EIF2S2: variants seen among roughly 807,000 people sequenced by gnomAD.
EIF2S2 encodes eukaryotic translation initiation factor 2 subunit 2.
In EIF2S2, 4 loss-of-function variants were observed where a neutral mutation model predicts 44.0. The observed-to-expected ratio is 0.09, with a 90% CI of 0.04 to 0.21. The LOEUF (loss-of-function observed/expected upper bound fraction) is 0.21, where lower values mean the gene tolerates loss of function less well. EIF2S2 is among the 10% of genes least tolerant of loss of function. The pLI is 1.00. For missense variants in EIF2S2, 154 were observed against 392.0 expected (o/e 0.39, Z 5.13); for synonymous variants, 108 against 128.3 (o/e 0.84, Z 1.07).
rs1185258309 is a variant in EIF2S2 at position 34,098,541 on chromosome 20, ATTC to A, written c.387_389del (p.Lys129del). The A allele has an allele frequency of 1.2e-6, 2 of 1,613,930 alleles. No individual in the cohort carries two copies. Among genetic ancestry groups the A allele is most frequent in the East Asian group, 2.2e-5 (1 of 44,880 alleles). ...TTTCATCCTCATCTGGGAACTTAAC[ATTC>A]TTCTTTTTCTTCTTTTTATTGCCAA... On this transcript the variant is annotated inframe_deletion, in exon 4 of 9. Coordinates refer to ENST00000374980, the MANE Select transcript of EIF2S2 (RefSeq NM_003908.5).
intron 3 of EIF2S2, among the ~76,000 whole-genome samples, chr20:34,100,388 A>C (rs889007364): frequency 6.6e-6 from 1 of 152,094 alleles, no homozygotes; most frequent in African/African-American, 2.4e-5. Context: ...TGGCAGGGGG[A>C]CCACTGAAAG....
intron 4 of EIF2S2, among the ~76,000 whole-genome samples, chr20:34,098,271 T>C (rs1354293551): frequency 1.3e-5 from 2 of 151,578 alleles, no homozygotes; most frequent in Non-Finnish European, 2.9e-5. Flanking sequence ...AATCCGGTTA[T>C]AGTAATTTTC....
At chr20:34,101,353 T>C (rs374222930) in intron 3 of EIF2S2, among the ~76,000 whole-genome samples, 4 of 152,112 alleles carry the variant, frequency 2.6e-5, no homozygotes, top group Non-Finnish European at 5.9e-5. Flanking sequence ...TGAGGGACGC[T>C]TGAGCCCAGG....
intron 1 of EIF2S2, among the ~76,000 whole-genome samples, chr20:34,111,877 C>A (rs953885707): frequency 6.6e-6 from 1 of 152,252 alleles, no homozygotes; most frequent in Non-Finnish European, 1.5e-5. Flanking sequence ...CCAACCACGG[C>A]AGGAGGTCCG....
chr20:34,101,643 G>C (rs144249720), intron 3 of EIF2S2, among the ~76,000 whole-genome samples: 1 of 151,276 alleles, frequency 6.6e-6, no homozygotes, highest in Non-Finnish European at 1.5e-5. Context: ...CCAAGACACA[G>C]CAGAAGGTGG....
At chr20:34,098,442 A>G in intron 4 of EIF2S2, 56 bp downstream of exon 4, 1 of 1,598,380 alleles carries the variant, frequency 6.3e-7, no homozygotes, top group Non-Finnish European at 8.5e-7. Context: ...CATCAAGGAG[A>G]CCAGGGCCAA....
Position 34,105,657 on chromosome 20 carries a change from A to G in EIF2S2, c.16-112T>C, listed in dbSNP as rs989681528. The G allele has an allele frequency of 9.9e-6, 10 of 1,013,946 alleles. No homozygotes were observed. The Admixed American group carries it at 3.3e-4, about 33-fold the overall frequency. The allele number at this position is 1,013,946 out of a possible 1,614,324, so 62.8% of individuals were successfully genotyped here. On this transcript the variant is annotated intron_variant, in intron 1 of 8. Coordinates refer to ENST00000374980, the MANE Select transcript of EIF2S2 (RefSeq NM_003908.5). The stretch of plus-strand genomic sequence containing the variant: ...ATACTCTTAAAAGAGTATGTGATAC[A>G]TTAAAACACCAAAGGGGAGTTTACC...
chr20:34,093,752 T>TATA (rs745624590), intron 6 of EIF2S2, 21 bp from the exon 7 acceptor site: 1 of 1,580,288 alleles, frequency 6.3e-7, no homozygotes, highest in East Asian at 2.3e-5. Context: ...AATCAAAATA[T>TATA]ATAAACCTTA....
At chr20:34,091,041 A>G (rs994241969) in intron 7 of EIF2S2, among the ~76,000 whole-genome samples, 4 of 152,096 alleles carry the variant, frequency 2.6e-5, no homozygotes, top group Non-Finnish European at 4.4e-5. Flanking sequence ...GTAGGCCACC[A>G]CACCCAGCCT....
rs1207296561 is a variant in EIF2S2, at chr20:34,112,148, C to G, written c.-38G>C. 6.5e-7 allele frequency: 1 copy of G among 1,534,364 alleles called. No individual in the cohort carries two copies. The highest frequency in any genetic ancestry group is 8.8e-7 in the Non-Finnish European group (1 of 1,136,832). ...AGTGGGCTCGGCACGGACGGGAAGTCAGACGGGTCAGCCCCAGGCCCCGGC... is the reference window on the plus strand; with the variant it reads ...AGTGGGCTCGGCACGGACGGGAAGTGAGACGGGTCAGCCCCAGGCCCCGGC... On this transcript the variant is annotated 5_prime_UTR_variant, in exon 1 of 9. Transcript: ENST00000374980.
intron 1 of EIF2S2, among the ~76,000 whole-genome samples, chr20:34,111,282 C>A (rs1310524953): frequency 6.6e-6 from 1 of 152,184 alleles, no homozygotes; most frequent in African/African-American, 2.4e-5. Flanking sequence ...CAACAACTTA[C>A]GGGGCCTCCC....
Position 34,098,917 on chromosome 20 carries a change from C to G in EIF2S2, c.298-284G>C, listed in dbSNP as rs150097695. On this transcript the variant is annotated intron_variant, in intron 3 of 8. Transcript: ENST00000374980. ...AATTGAAGTTACAGATAAGAAACGC[C>G]TGTCAGAAATGGACCAAACTGGCTC... Among the ~76,000 whole-genome samples the G allele has an allele frequency of 3.4e-3, 520 of 152,340 alleles. 3 individuals carry two copies. The highest frequency in any genetic ancestry group is 0.012 in the African/African-American group (500 of 41,584).
chr20:34,093,570 A>G, intron 7 of EIF2S2, 105 bp downstream of exon 7: 5 of 1,028,388 alleles, frequency 4.9e-6, no homozygotes, highest in Non-Finnish European at 6.9e-6. Context: ...AAGTTTCTCT[A>G]ATAATCAGGT....
chr20:34,095,747 T>G (rs1477324296), intron 6 of EIF2S2, among the ~76,000 whole-genome samples: 1 of 152,220 alleles, frequency 6.6e-6, no homozygotes, highest in Admixed American at 6.5e-5. Context: ...TTTAAATATA[T>G]GTAAGTAATG....
At chr20:34,103,074 C>CT (rs1189407480) in intron 3 of EIF2S2, among the ~76,000 whole-genome samples, 1 of 152,148 alleles carries the variant, frequency 6.6e-6, no homozygotes, top group Admixed American at 6.5e-5. Context: ...TTCTTTGCTG[C>CT]TTAGAGGTAC....
intron 3 of EIF2S2, among the ~76,000 whole-genome samples, chr20:34,099,396 A>G (rs577078361): frequency 2.0e-5 from 3 of 152,174 alleles, no homozygotes; most frequent in Non-Finnish European, 4.4e-5. Flanking sequence ...AGAAAATTTA[A>G]AAGTTTAAAT....
chr20:34,090,433 C>T (rs565679105), intron 8 of EIF2S2, 84 bp downstream of exon 8: 3 of 828,758 alleles, frequency 3.6e-6, no homozygotes, highest in East Asian at 3.1e-5. Context: ...TCCCAGCTCA[C>T]TGCAATCAAA....
intron 7 of EIF2S2, 99 bp downstream of exon 7, chr20:34,093,576 C>A: frequency 9.4e-7 from 1 of 1,066,708 alleles, no homozygotes; most frequent in South Asian, 1.7e-5. Flanking sequence ...CTCTAATAAT[C>A]AGGTGAACAT....
intron 8 of EIF2S2, 31 bp from the exon 9 acceptor site, chr20:34,089,936 G>C: frequency 6.2e-7 from 1 of 1,610,992 alleles, no homozygotes; most frequent in Non-Finnish European, 8.5e-7. Context: ...AGAATTACCT[G>C]GTGGCTGCAG....
Sources: allele counts gnomAD v4.1 joint callset (sites outside exome capture counted in the v4.1 genomes callset), GRCh38; gene constraint gnomAD v4.1.1; transcripts MANE v1.5; gene names NCBI Gene and HGNC (gene_info 2026-07-23, HGNC 2026-07-21).